Variants in FANCA observed in about 807,000 individuals in gnomAD.
FANCA encodes the protein FA complementation group A.
A neutral mutation model predicts 194.3 loss-of-function variants in FANCA; 236 were observed. That is an observed-to-expected ratio of 1.21 (90% CI 1.09 to 1.35). FANCA has a LOEUF of 1.35. Ranked by LOEUF, FANCA falls within the 40% of genes most tolerant of loss-of-function variation. The pLI is 0.00. For missense variants in FANCA, 2,628 were observed against 1,813.9 expected, an observed-to-expected ratio of 1.45 and a Z score of -8.15; for synonymous variants, 1,014 against 715.8, an observed-to-expected ratio of 1.42 and a Z score of -6.65.
At chr16:89,812,870 T>C (rs1207562472) in intron 3 of FANCA, among the ~76,000 whole-genome samples, 1 of 149,500 alleles carries the variant, frequency 6.7e-6, no homozygotes, top group Non-Finnish European at 1.5e-5. Context: ...CCGCCTCTAC[T>C]AAAAATACAA....
At position 89,816,285 on chromosome 16, in the gene FANCA, C is replaced by A. The variant is rs1408290660; in HGVS notation, c.79+252G>T. 6 of 256,994 alleles carry A rather than the reference C, an allele frequency of 2.3e-5. No homozygotes were observed. The South Asian group carries it at 3.8e-4, about 16-fold the overall frequency. The allele number at this position is 256,994 out of a possible 1,614,324, so 15.9% of individuals were successfully genotyped here. A position where few individuals can be genotyped will look rare whatever the true frequency, so the allele number is the denominator to read the frequency against. ...ACCCCAGGCCCGCCTGACAGGGCGG[C>A]CGGCGGGGGCGGCGTTCGGGAAAGA... On this transcript the variant is annotated intron_variant, in intron 1 of 42. Coordinates refer to ENST00000389301, the MANE Select transcript of FANCA (RefSeq NM_000135.4).
At chr16:89,801,685 C>A (rs1359935852) in intron 8 of FANCA, among the ~76,000 whole-genome samples, 1 of 152,058 alleles carries the variant, frequency 6.6e-6, no homozygotes, top group East Asian at 1.9e-4. Flanking sequence ...GTCAAGAGAT[C>A]GAGACCATCC....
chr16:89,777,983 G>C (rs1419040033), intron 20 of FANCA, among the ~76,000 whole-genome samples: 1 of 152,012 alleles, frequency 6.6e-6, no homozygotes, highest in African/African-American at 2.4e-5. Context: ...CTAACATGGT[G>C]AAACCCCGTC....
chr16:89,763,930 AC>A (rs2039039225), intron 28 of FANCA, among the ~76,000 whole-genome samples: 2 of 146,532 alleles, frequency 1.4e-5, no homozygotes, highest in Non-Finnish European at 3.0e-5. Context: ...GAAAAAAAAA[AC>A]AAAACAACAA....
At position 89,771,833 on chromosome 16, in the gene FANCA, G is replaced by A. The variant is rs1389699195; in HGVS notation, c.2015-19C>T. The A allele has an allele frequency of 6.2e-7, 1 of 1,613,092 alleles. No homozygotes were observed. The highest frequency in any genetic ancestry group is 2.2e-5 in the East Asian group (1 of 44,900). On this transcript the variant is annotated intron_variant, in intron 22 of 42. Coordinates refer to ENST00000389301, the MANE Select transcript of FANCA (RefSeq NM_000135.4). ...GATATAACTGCGAAGGAAGAAACTAGTTAGGGATGACAAGAACCCCGAAAG... is the reference window on the plus strand; with the variant it reads ...GATATAACTGCGAAGGAAGAAACTAATTAGGGATGACAAGAACCCCGAAAG...
chr16:89,759,934 C>T (rs3819570), intron 29 of FANCA, among the ~76,000 whole-genome samples: 6,982 of 148,348 alleles, frequency 0.047, 302 homozygotes, highest in East Asian at 0.19. Context: ...CTGTGCGGGA[C>T]CTGGGTGCTC....
chr16:89,795,047 G>A (rs1027669421), intron 11 of FANCA, among the ~76,000 whole-genome samples: 2 of 152,328 alleles, frequency 1.3e-5, no homozygotes, highest in Admixed American at 6.5e-5. Flanking sequence ...TATTTTGGGA[G>A]GCCGAGACGG....
At chr16:89,810,665 G>T in intron 5 of FANCA, 42 bp downstream of exon 5, 1 of 1,277,934 alleles carries the variant, frequency 7.8e-7, no homozygotes, top group Non-Finnish European at 1.1e-6. Context: ...ACAGAACATT[G>T]CCTGGAACAC....
chr16:89,809,037 C>G (rs936489616), intron 5 of FANCA, among the ~76,000 whole-genome samples: 2 of 152,014 alleles, frequency 1.3e-5, no homozygotes, highest in African/African-American at 4.8e-5. Context: ...TCCTGAGTAG[C>G]TGGGACTACA....
intron 30 of FANCA, among the ~76,000 whole-genome samples, chr16:89,754,774 T>C (rs1032973830): frequency 3.9e-5 from 6 of 152,184 alleles, no homozygotes; most frequent in Admixed American, 3.9e-4. Context: ...CTGGTGTTTC[T>C]ATACGTTAGC....
At position 89,803,345 on chromosome 16, in the gene FANCA, A is replaced by G. The variant is rs2040523564; in HGVS notation, c.710-4T>C. 1.2e-6 allele frequency: 2 copies of G among 1,613,116 alleles called. No individual in the cohort carries two copies. The highest frequency in any genetic ancestry group is 8.5e-7 in the Non-Finnish European group (1 of 1,179,118). On this transcript the variant is annotated splice_polypyrimidine_tract_variant and splice_region_variant and intron_variant, in intron 7 of 42. Coordinates refer to ENST00000389301, the MANE Select transcript of FANCA (RefSeq NM_000135.4). ...AAAACAAACATTTGAACAAAATCTGAAAAACCATAAAACCAAAGTTATTTA... is the reference window on the plus strand; with the variant it reads ...AAAACAAACATTTGAACAAAATCTGGAAAACCATAAAACCAAAGTTATTTA...
intron 5 of FANCA, among the ~76,000 whole-genome samples, 156 bp from the exon 6 acceptor site, chr16:89,808,523 A>C (rs1268399523): frequency 1.3e-5 from 2 of 152,222 alleles, no homozygotes; most frequent in East Asian, 1.9e-4. Flanking sequence ...AGCCTGAAAC[A>C]CATCTTTTTT....
intron 31 of FANCA, 39 bp from the exon 32 acceptor site, chr16:89,749,941 G>A (rs530013857): frequency 1.2e-6 from 2 of 1,611,128 alleles, no homozygotes; most frequent in Non-Finnish European, 1.7e-6. Flanking sequence ...AAGGCCTCGG[G>A]GCTCACTGCC....
At chr16:89,745,346 G>C (rs1186139479) in intron 35 of FANCA, among the ~76,000 whole-genome samples, 1 of 152,188 alleles carries the variant, frequency 6.6e-6, no homozygotes, top group Non-Finnish European at 1.5e-5. Context: ...CCCTGAGCTG[G>C]GAACGAAACA....
intron 13 of FANCA, 31 bp downstream of exon 13, chr16:89,791,896 C>A: frequency 6.2e-7 from 1 of 1,613,804 alleles, no homozygotes. Context: ...ACACTCTTGA[C>A]CAGCACCACC....
intron 2 of FANCA, among the ~76,000 whole-genome samples, chr16:89,815,653 G>C (rs915678954): frequency 6.6e-6 from 1 of 152,052 alleles, no homozygotes; most frequent in African/African-American, 2.4e-5. Flanking sequence ...ACGGCGCCCG[G>C]CCTGTTTTTT....
chr16:89,757,725 C>T (rs2038811814), intron 30 of FANCA, among the ~76,000 whole-genome samples: 1 of 152,134 alleles, frequency 6.6e-6, no homozygotes, highest in South Asian at 2.1e-4. Flanking sequence ...CCTTCTGGCC[C>T]ACATGCAACA....
At chr16:89,802,645 C>T (rs898965754) in intron 8 of FANCA, among the ~76,000 whole-genome samples, 13 of 151,842 alleles carry the variant, frequency 8.6e-5, no homozygotes, top group Admixed American at 2.0e-4. Context: ...CCTTGTGATC[C>T]GCCCGCCTCG....
intron 38 of FANCA, 21 bp from the exon 39 acceptor site, chr16:89,740,120 A>G: frequency 6.2e-7 from 1 of 1,607,936 alleles, no homozygotes; most frequent in Non-Finnish European, 8.5e-7. Context: ...CAGGAGACCA[A>G]CCCTGAGAAT....
Sources: allele counts gnomAD v4.1 joint callset (sites outside exome capture counted in the v4.1 genomes callset), GRCh38; gene constraint gnomAD v4.1.1; transcripts MANE v1.5; gene names NCBI Gene and HGNC (gene_info 2026-07-23, HGNC 2026-07-21).